Variants in MSANTD2 observed in about 807,000 individuals in gnomAD.
The protein encoded by MSANTD2 is Myb/SANT DNA binding domain containing 2, also known as myb/SANT-like DNA-binding domain-containing protein 2.
Under a neutral mutation model 52.6 loss-of-function variants are expected in MSANTD2, and 19 were observed. The ratio of observed to expected loss-of-function variants is 0.36; its 90% CI spans 0.25 to 0.53. MSANTD2 has a LOEUF of 0.53. Ranked by LOEUF, MSANTD2 falls within the 20% of genes least tolerant of loss-of-function variation. The probability of loss-of-function intolerance (pLI) is 0.91; values close to 1 mark genes in which losing one functional copy is unlikely to be tolerated. For synonymous variants in MSANTD2, 291 were observed against 289.7 expected, an observed-to-expected ratio of 1.00 and a Z score of -0.04; for missense variants, 558 against 716.3, an observed-to-expected ratio of 0.78 and a Z score of 2.52.
At chr11:124,791,044 A>T in intron 1 of MSANTD2, 1 of 499,036 alleles carries the variant, frequency 2.0e-6, no homozygotes, top group East Asian at 3.7e-5. Flanking sequence ...GCAAGTTGTG[A>T]CCACCTTTCT....
At chr11:124,782,240 G>T (rs1465113755) in intron 1 of MSANTD2, among the ~76,000 whole-genome samples, 2 of 151,378 alleles carry the variant, frequency 1.3e-5, no homozygotes, top group Non-Finnish European at 2.9e-5. Context: ...TCAAGGCCAG[G>T]AGTCAAGACC....
chr11:124,784,488 C>G lies in MSANTD2; in HGVS notation c.511-9514G>C, dbSNP rs907119614. The G allele has an allele frequency of 6.1e-6, 6 of 984,992 alleles. No individual in the cohort carries two copies. In the East Asian group the frequency reaches 4.5e-4, roughly 75 times the overall value. The allele number at this position is 984,992 out of a possible 1,614,324, so 61.0% of individuals were successfully genotyped here. A position where few individuals can be genotyped will look rare whatever the true frequency, so the allele number is the denominator to read the frequency against. On this transcript the variant is annotated intron_variant, in intron 1 of 3. Coordinates refer to ENST00000374979, the MANE Select transcript of MSANTD2 (RefSeq NM_001308027.2). ...AACCATGTCTAAAAATTAAACCCCC[C>G]CCCCGCCACCTCAAAAATCCGCACA...
chr11:124,769,907 G>A (rs1394293840), intron 3 of MSANTD2, among the ~76,000 whole-genome samples: 1 of 152,222 alleles, frequency 6.6e-6, no homozygotes, highest in Non-Finnish European at 1.5e-5. Context: ...GCTAAAACCT[G>A]GAGGAGAGGC....
chr11:124,775,444 G>C (rs1444174582), intron 1 of MSANTD2: 1 of 157,854 alleles, frequency 6.3e-6, no homozygotes, highest in Non-Finnish European at 1.4e-5. Context: ...TCTTGATTAA[G>C]AAGGAATGAA....
chr11:124,778,246 C>T (rs1944820468), intron 1 of MSANTD2, among the ~76,000 whole-genome samples: 1 of 152,194 alleles, frequency 6.6e-6, no homozygotes, highest in South Asian at 2.1e-4. Context: ...GAACCATGTC[C>T]TATTCAACAC....
chr11:124,784,524 A>G (rs1945095596), intron 1 of MSANTD2: 1 of 984,390 alleles, frequency 1.0e-6, no homozygotes, highest in Non-Finnish European at 1.2e-6. Flanking sequence ...CAGCTTTACC[A>G]TTACAACATC....
intron 1 of MSANTD2, chr11:124,784,604 C>A (rs1258365161): frequency 1.0e-6 from 1 of 985,008 alleles, no homozygotes; most frequent in Non-Finnish European, 1.2e-6. Context: ...CTGTGCAGAG[C>A]AGGCTTCCCC....
chr11:124,800,103 G>T lies in MSANTD2; in HGVS notation c.278C>A (p.Ala93Glu), dbSNP rs1230583580. The T allele has an allele frequency of 6.8e-7, 1 of 1,480,074 alleles. No homozygotes were observed. Among genetic ancestry groups the T allele is most frequent in the Non-Finnish European group, 8.9e-7 (1 of 1,125,414 alleles). 91.7% of individuals were successfully genotyped at this position (1,480,074 alleles called of 1,614,324 possible). A position where few individuals can be genotyped will look rare whatever the true frequency, so the allele number is the denominator to read the frequency against. Reference protein sequence around the residue: ...SPGGGGGGAAAAAAAACRGMS... With the variant: ...SPGGGGGGAAEAAAAACRGMS... The stretch of plus-strand genomic sequence containing the variant: ...GCCCCGGCAGGCGGCGGCGGCGGCT[G>T]CCGCAGCCCCGCCACCGCCGCCACC... Residue 93 changes from alanine (A) to glutamate (E), a missense_variant, in exon 1 of 4, where the codon GCA (alanine) becomes GAA (glutamate). Around this residue, in one of 2 missense-constraint regions of MSANTD2, gnomAD observed 150 missense variants for 142.7 expected, o/e 1.05. Transcript: ENST00000374979. This position sits in a 1 kb window ranked among gnomAD's most constrained non-coding sequence, Gnocchi z 4.3.
chr11:124,797,112 A>C (rs999537030), intron 1 of MSANTD2, among the ~76,000 whole-genome samples: 49 of 152,170 alleles, frequency 3.2e-4, no homozygotes, highest in Non-Finnish European at 2.9e-4. Flanking sequence ...TTTTTTCGTT[A>C]AACAGCAGTA....
chr11:124,784,201 G>C, intron 1 of MSANTD2: 2 of 985,182 alleles, frequency 2.0e-6, no homozygotes, highest in South Asian at 4.7e-5. Context: ...ACTGGGATTA[G>C]AGGCTATTTT....
chr11:124,768,078 G>A, intron 3 of MSANTD2, 50 bp from the exon 4 acceptor site: 3 of 1,528,456 alleles, frequency 2.0e-6, no homozygotes, highest in Non-Finnish European at 2.6e-6. Flanking sequence ...GAACAGCGGT[G>A]TCAGATAGAA....
At chr11:124,769,797 A>G (rs1354490358) in intron 3 of MSANTD2, among the ~76,000 whole-genome samples, 3 of 152,236 alleles carry the variant, frequency 2.0e-5, no homozygotes, top group African/African-American at 7.2e-5. Flanking sequence ...CATGGCACTA[A>G]TGCTATAGTC....
At chr11:124,789,277 A>G (rs2135263574) in intron 1 of MSANTD2, 1 of 152,340 alleles carries the variant, frequency 6.6e-6, no homozygotes, top group East Asian at 1.9e-4. Flanking sequence ...GGTTTTATTA[A>G]TATCAATTAC....
At position 124,784,899 on chromosome 11, in the gene MSANTD2, A is replaced by G. The variant is rs182739720; in HGVS notation, c.511-9925T>C. ...GTGAAAATGTAAACATTCAAAAAAT[A>G]TATATTTTTTGCATTTACACAGTGT... On this transcript the variant is annotated intron_variant, in intron 1 of 3. Transcript: ENST00000374979. Among the ~76,000 whole-genome samples the G allele has an allele frequency of 6.5e-4, 99 of 152,342 alleles. 1 individual carries two copies. The highest frequency in any genetic ancestry group is 3.2e-4 in the Non-Finnish European group (22 of 68,018).
intron 1 of MSANTD2, among the ~76,000 whole-genome samples, chr11:124,793,215 A>G (rs529616585): frequency 1.3e-5 from 2 of 152,234 alleles, no homozygotes; most frequent in African/African-American, 2.4e-5. Context: ...TGTAACTTGA[A>G]TATTTCCTAA....
chr11:124,770,524 C>A (rs1436773694), intron 3 of MSANTD2, among the ~76,000 whole-genome samples: 1 of 152,078 alleles, frequency 6.6e-6, no homozygotes, highest in Non-Finnish European at 1.5e-5. Context: ...GTTTTTAATT[C>A]CTGGGCTCAA....
intron 1 of MSANTD2, chr11:124,790,438 G>A (rs1945294704): frequency 6.6e-6 from 1 of 152,218 alleles, no homozygotes; most frequent in South Asian, 2.1e-4. Flanking sequence ...GAAGTAGATA[G>A]TGAGTTGTCT....
chr11:124,797,089 G>C (rs534521909), intron 1 of MSANTD2, among the ~76,000 whole-genome samples: 1 of 152,286 alleles, frequency 6.6e-6, no homozygotes, highest in South Asian at 2.1e-4. Context: ...TTCAGACTGG[G>C]TTCCAAAGTC....
chr11:124,768,477 A>C (rs961376634), intron 3 of MSANTD2, among the ~76,000 whole-genome samples: 3 of 152,228 alleles, frequency 2.0e-5, no homozygotes, highest in Non-Finnish European at 4.4e-5. Context: ...AAAATGCTGT[A>C]TTTAGAAAAG....
Sources: allele counts gnomAD v4.1 joint callset (sites outside exome capture counted in the v4.1 genomes callset), GRCh38; gene constraint gnomAD v4.1.1; regional missense constraint gnomAD v4.1.1; non-coding constraint Gnocchi (gnomAD v3.1); transcripts MANE v1.5; gene names NCBI Gene and HGNC (gene_info 2026-07-23, HGNC 2026-07-21).